Variants in CLASP1 observed in about 807,000 individuals in gnomAD.
CLASP1 encodes CLIP-associating protein 1.
In CLASP1, 38 loss-of-function variants were observed where a neutral mutation model predicts 192.3. The observed-to-expected ratio is 0.20, with a 90% CI of 0.15 to 0.26. The LOEUF (loss-of-function observed/expected upper bound fraction) is 0.26. Ranked by LOEUF, CLASP1 falls within the 10% of genes least tolerant of loss-of-function variation. The pLI is 1.00. For missense variants in CLASP1, 1,433 were observed against 1,932.5 expected (o/e 0.74, Z 4.85); for synonymous variants, 691 against 712.8 (o/e 0.97, Z 0.49).
chr2:121,513,804 GC>G (rs774215214), intron 7 of CLASP1, among the ~76,000 whole-genome samples: 4 of 152,222 alleles, frequency 2.6e-5, no homozygotes, highest in Non-Finnish European at 4.4e-5. Context: ...CAAGTGAGAT[GC>G]TTTCTATCAG....
intron 8 of CLASP1, among the ~76,000 whole-genome samples, chr2:121,478,617 CCACACACACACATA>C (rs1245207791): frequency 7.4e-6 from 1 of 134,612 alleles, no homozygotes; most frequent in Non-Finnish European, 1.6e-5. Context: ...CACACACACA[CCACACACACACATA>C]CACACACACA....
intron 39 of CLASP1, among the ~76,000 whole-genome samples, chr2:121,343,605 C>A (rs2063061518): frequency 6.6e-6 from 1 of 152,090 alleles, no homozygotes; most frequent in South Asian, 2.1e-4. Context: ...TATGAGACAC[C>A]TGGGGTAGTC....
intron 8 of CLASP1, among the ~76,000 whole-genome samples, chr2:121,502,932 G>A (rs564354425): frequency 2.6e-5 from 4 of 152,308 alleles, no homozygotes; most frequent in South Asian, 4.1e-4. Flanking sequence ...GATTCAGGAC[G>A]CAGTTTTAAA....
At chr2:121,373,643 T>G (rs576140337) in intron 34 of CLASP1, among the ~76,000 whole-genome samples, 1 of 152,308 alleles carries the variant, frequency 6.6e-6, no homozygotes, top group Non-Finnish European at 1.5e-5. Context: ...TGGTCTCAGA[T>G]GAAGATAACG....
intron 19 of CLASP1, among the ~76,000 whole-genome samples, chr2:121,441,442 C>T (rs2083325182): frequency 6.6e-6 from 1 of 152,132 alleles, no homozygotes. Context: ...AGAATAATTT[C>T]CTGCCAGGCA....
chr2:121,498,584 T>C (rs1195309737), intron 8 of CLASP1, among the ~76,000 whole-genome samples: 1 of 152,172 alleles, frequency 6.6e-6, no homozygotes, highest in Non-Finnish European at 1.5e-5. Context: ...AATTTAACAA[T>C]TTATATCTCA....
At chr2:121,534,570 C>A (rs138884596) in intron 2 of CLASP1, among the ~76,000 whole-genome samples, 4 of 152,204 alleles carry the variant, frequency 2.6e-5, no homozygotes, top group African/African-American at 9.6e-5. Flanking sequence ...CAGAGTCTCG[C>A]TCTGTTGCCC....
intron 1 of CLASP1, among the ~76,000 whole-genome samples, chr2:121,631,039 G>C (rs1286048310): frequency 1.3e-5 from 2 of 148,994 alleles, no homozygotes; most frequent in African/African-American, 4.9e-5. Flanking sequence ...GGCGCCCATA[G>C]TCCCAGCTAC....
At chr2:121,416,708 A>C (rs113798646) in intron 23 of CLASP1, among the ~76,000 whole-genome samples, 1,877 of 152,354 alleles carry the variant, frequency 0.012, 32 homozygotes, top group Non-Finnish European at 0.018. Context: ...CGAGAAACAG[A>C]TGAAAGACAC....
chr2:121,365,363 C>G, intron 35 of CLASP1, 79 bp from the exon 37 acceptor site: 2 of 1,296,642 alleles, frequency 1.5e-6, no homozygotes. Context: ...GCGCAGTGAT[C>G]CTTCCCTTCC....
intron 34 of CLASP1, among the ~76,000 whole-genome samples, chr2:121,372,488 T>C (rs952550320): frequency 1.3e-5 from 2 of 152,224 alleles, no homozygotes; most frequent in Non-Finnish European, 2.9e-5. Context: ...ATATCCAAAG[T>C]CTCGATGGAT....
rs147327997 is a variant in CLASP1, at chr2:121,379,588, G to A, written c.3492-1939C>T. On this transcript the variant is annotated intron_variant, in intron 33 of 39. Transcript: ENST00000263710. ...ATATATATACAAGATGTAAAAAAATGCCTTAAAATACTTTTAATCACAACA... is the reference window on the plus strand; with the variant it reads ...ATATATATACAAGATGTAAAAAAATACCTTAAAATACTTTTAATCACAACA... 7.1e-3 allele frequency among the ~76,000 whole-genome samples: 1,080 copies of A among 152,180 alleles called. 7 individuals carry two copies. The highest frequency in any genetic ancestry group is 0.024 in the African/African-American group (1,004 of 41,534).
At chr2:121,360,162 A>G (rs12479320) in intron 37 of CLASP1, among the ~76,000 whole-genome samples, 90,070 of 152,070 alleles carry the variant, frequency 0.59, 29,964 homozygotes, top group African/African-American at 0.88. Flanking sequence ...TGGTGCCAAT[A>G]TCTCTAAAAG....
rs937563372 is a variant in CLASP1 at position 121,590,663 on chromosome 2, T to C, written c.195+15038A>G. On this transcript the variant is annotated intron_variant, in intron 2 of 39. Transcript: ENST00000263710. ...TCCTGTTTATACAATAAGTACATAT[T>C]GCTTTTACTGTAATAAAAACAAATT... is the stretch of plus-strand genomic sequence containing the variant. Among the ~76,000 whole-genome samples, 3 of 152,230 alleles carry C rather than the reference T, an allele frequency of 2.0e-5. No homozygotes were observed. The East Asian group carries it at 5.8e-4, about 29-fold the overall frequency.
At chr2:121,440,486 G>A (rs2083125729) in intron 19 of CLASP1, among the ~76,000 whole-genome samples, 2 of 152,214 alleles carry the variant, frequency 1.3e-5, no homozygotes, top group African/African-American at 4.8e-5. Context: ...GGTCACTTGA[G>A]TCCAGGAGTT....
rs12476273 is a variant in CLASP1, at chr2:121,412,368, A to G, written c.2321-1399T>C. Among the ~76,000 whole-genome samples the G allele has an allele frequency of 1.5e-3, 221 of 152,290 alleles. 1 individual carries two copies. The highest frequency in any genetic ancestry group is 0.013 in the Admixed American group (193 of 15,306). On this transcript the variant is annotated intron_variant, in intron 23 of 39. Coordinates refer to ENST00000263710, the Ensembl canonical transcript of CLASP1. ...AGGTAATGTGCCATATAAACTAAGA[A>G]AGGCCATTAAAAATTACATTTATCT...
chr2:121,556,070 GC>G (rs2058538200), intron 2 of CLASP1, among the ~76,000 whole-genome samples: 2 of 126,918 alleles, frequency 1.6e-5, no homozygotes, highest in South Asian at 5.1e-4. Context: ...TGTCACCTCT[GC>G]CTCCCAGGTT....
At chr2:121,635,959 T>C (rs1040287445) in intron 1 of CLASP1, among the ~76,000 whole-genome samples, 3 of 151,984 alleles carry the variant, frequency 2.0e-5, no homozygotes, top group Admixed American at 1.3e-4. Flanking sequence ...CCCAACCCTT[T>C]GGGAGGCACA....
chr2:121,369,044 T>C (rs969399359), intron 34 of CLASP1, among the ~76,000 whole-genome samples: 5 of 152,244 alleles, frequency 3.3e-5, no homozygotes, highest in African/African-American at 9.6e-5. Flanking sequence ...CTATGCTAGG[T>C]ACCTCAGATA....
Sources: allele counts gnomAD v4.1 joint callset (sites outside exome capture counted in the v4.1 genomes callset), GRCh38; gene constraint gnomAD v4.1.1; transcripts MANE v1.5; gene names NCBI Gene and HGNC (gene_info 2026-07-23, HGNC 2026-07-21).